Variants in CDH13 observed in about 807,000 individuals in gnomAD.
CDH13 encodes the protein cadherin 13.
In CDH13, 24 loss-of-function variants were observed where a neutral mutation model predicts 63.8. The ratio of observed to expected loss-of-function variants is 0.38; its 90% confidence interval spans 0.27 to 0.53. The LOEUF is 0.53. CDH13 is among the 20% of genes least tolerant of loss of function. The probability of loss-of-function intolerance (pLI) is 0.85; values close to 1 mark genes in which losing one functional copy is unlikely to be tolerated. For synonymous variants in CDH13, 503 were observed against 355.3 expected (o/e 1.42, Z -4.67); for missense variants, 1,049 against 903.1 (o/e 1.16, Z -2.07).
chr16:83,481,265 T>C (rs2073753878), intron 6 of CDH13, among the ~76,000 whole-genome samples: 1 of 152,196 alleles, frequency 6.6e-6, no homozygotes, highest in South Asian at 2.1e-4. Flanking sequence ...GATTCGCTTA[T>C]AGGAATAGCA....
chr16:83,116,413 C>G (rs1193612271), intron 3 of CDH13, among the ~76,000 whole-genome samples: 6 of 152,162 alleles, frequency 3.9e-5, no homozygotes, highest in Non-Finnish European at 8.8e-5. Flanking sequence ...GCAGGGATGT[C>G]CCCTGAGCAT....
intron 6 of CDH13, among the ~76,000 whole-genome samples, chr16:83,406,275 C>A (rs1307780522): frequency 1.3e-5 from 2 of 152,144 alleles, no homozygotes; most frequent in Middle Eastern, 3.2e-3. Context: ...TAGTTTTCTC[C>A]TTCCTTATCT....
chr16:83,632,877 G>T (rs142061009), intron 8 of CDH13, among the ~76,000 whole-genome samples: 8 of 151,588 alleles, frequency 5.3e-5, no homozygotes, highest in South Asian at 2.1e-4. Context: ...ATTATTCTTG[G>T]GTTTTCCGGG....
At chr16:83,059,873 C>T (rs1180546507) in intron 3 of CDH13, among the ~76,000 whole-genome samples, 1 of 146,362 alleles carries the variant, frequency 6.8e-6, no homozygotes, top group Non-Finnish European at 1.5e-5. Context: ...TGGCTCACTG[C>T]AAACTCCACC....
chr16:83,485,680 C>G (rs755532759), intron 6 of CDH13, among the ~76,000 whole-genome samples: 3 of 152,088 alleles, frequency 2.0e-5, no homozygotes, highest in Non-Finnish European at 2.9e-5. Flanking sequence ...GGTTGTTCAT[C>G]TCTGTATTCA....
At chr16:82,895,684 T>C (rs947047007) in intron 2 of CDH13, among the ~76,000 whole-genome samples, 2 of 75,496 alleles carry the variant, frequency 2.6e-5, no homozygotes, top group South Asian at 4.7e-4. Context: ...AAGGGACGCC[T>C]CTCCCTTTTT....
chr16:82,674,204 T>TG (rs1454537963), intron 1 of CDH13, among the ~76,000 whole-genome samples: 1 of 152,210 alleles, frequency 6.6e-6, no homozygotes, highest in Non-Finnish European at 1.5e-5. Context: ...TAAGGCAGCC[T>TG]GGTGCCCTTC....
chr16:83,425,515 A>G (rs1428716440), intron 6 of CDH13, among the ~76,000 whole-genome samples: 1 of 152,332 alleles, frequency 6.6e-6, no homozygotes, highest in Non-Finnish European at 1.5e-5. Context: ...ATGCTACCGC[A>G]TCTCCACCAT....
At chr16:83,401,635 C>G (rs954473550) in intron 6 of CDH13, among the ~76,000 whole-genome samples, 2 of 151,876 alleles carry the variant, frequency 1.3e-5, no homozygotes, top group Non-Finnish European at 2.9e-5. Context: ...AGTGTATATA[C>G]CAGTAATATT....
At chr16:83,551,881 C>G (rs780059599) in intron 7 of CDH13, among the ~76,000 whole-genome samples, 5 of 152,020 alleles carry the variant, frequency 3.3e-5, no homozygotes, top group Admixed American at 2.6e-4. Context: ...CACATAATTA[C>G]TTAATGTTAG....
At chr16:83,386,768 G>C (rs1032848327) in intron 6 of CDH13, among the ~76,000 whole-genome samples, 1 of 152,218 alleles carries the variant, frequency 6.6e-6, no homozygotes, top group African/African-American at 2.4e-5. Flanking sequence ...TTTGTTGGCT[G>C]CTGGTATTGA....
chr16:83,526,416 A>G (rs1287009221), intron 7 of CDH13, among the ~76,000 whole-genome samples: 1 of 152,128 alleles, frequency 6.6e-6, no homozygotes, highest in African/African-American at 2.4e-5. Flanking sequence ...AAACTGTTCC[A>G]CCTAAGACCA....
chr16:82,774,518 A>G (rs758264033), intron 1 of CDH13, among the ~76,000 whole-genome samples: 7 of 152,186 alleles, frequency 4.6e-5, no homozygotes, highest in Admixed American at 6.5e-5. Context: ...GGAGGTTTCA[A>G]TCTTGACCTT....
intron 5 of CDH13, among the ~76,000 whole-genome samples, chr16:83,221,535 A>C (rs957722822): frequency 1.9e-4 from 29 of 152,152 alleles, no homozygotes; most frequent in Admixed American, 1.9e-3. Context: ...TTCTATAAAA[A>C]TATTAGCAGG....
At chr16:83,793,466 C>T (rs146313557) in intron 13 of CDH13, among the ~76,000 whole-genome samples, 338 of 152,262 alleles carry the variant, frequency 2.2e-3, no homozygotes, top group African/African-American at 7.8e-3. Flanking sequence ...GGCTCTTGAA[C>T]GCACACTATG....
At chr16:83,650,902 G>A (rs1367322136) in intron 8 of CDH13, among the ~76,000 whole-genome samples, 1 of 151,682 alleles carries the variant, frequency 6.6e-6, no homozygotes, top group Admixed American at 6.6e-5. Context: ...GTGAGACCCT[G>A]TCTCTATAAA....
At chr16:83,138,741 C>G (rs1014956003) in intron 4 of CDH13, among the ~76,000 whole-genome samples, 1 of 152,110 alleles carries the variant, frequency 6.6e-6, no homozygotes, top group African/African-American at 2.4e-5. Context: ...TCCTGTTACG[C>G]TGGGTAACAC....
intron 8 of CDH13, among the ~76,000 whole-genome samples, chr16:83,609,002 C>T (rs1908616486): frequency 6.6e-6 from 1 of 152,130 alleles, no homozygotes; most frequent in African/African-American, 2.4e-5. Flanking sequence ...GAAATTTTCT[C>T]TGTGTCATCA....
rs139645036 is a variant in CDH13 at position 83,481,064 on chromosome 16, C to G, written c.782-5413C>G. ...TTGGAATTAGAACTCACTGCCTCCT[C>G]TGGTGAGTTTGATGCTTGACAACGA... On this transcript the variant is annotated intron_variant, in intron 6 of 13. Coordinates refer to ENST00000567109, the MANE Select transcript of CDH13 (RefSeq NM_001257.5). 7.4e-3 allele frequency among the ~76,000 whole-genome samples: 1,121 copies of G among 152,306 alleles called. 16 individuals carry two copies. The highest frequency in any genetic ancestry group is 8.1e-3 in the Non-Finnish European group (554 of 68,030).
Sources: allele counts gnomAD v4.1 joint callset (sites outside exome capture counted in the v4.1 genomes callset), GRCh38; gene constraint gnomAD v4.1.1; transcripts MANE v1.5; gene names NCBI Gene and HGNC (gene_info 2026-07-23, HGNC 2026-07-21).